Variants in SMARCC1 observed in about 807,000 individuals in gnomAD.
SMARCC1 encodes SWI/SNF related BAF chromatin remodeling complex subunit C1.
A neutral mutation model predicts 147.4 loss-of-function variants in SMARCC1; 43 were observed. That is an observed-to-expected ratio of 0.29 (90% CI 0.23 to 0.38). The LOEUF (loss-of-function observed/expected upper bound fraction) is 0.38, where lower values mean the gene tolerates loss of function less well. Ranked by LOEUF, SMARCC1 falls within the 10% of genes least tolerant of loss-of-function variation. SMARCC1 has a pLI of 1.00. For missense variants in SMARCC1, 1,119 were observed against 1,381.1 expected, an observed-to-expected ratio of 0.81 and a Z score of 3.01; for synonymous variants, 495 against 484.4, an observed-to-expected ratio of 1.02 and a Z score of -0.29.
chr3:47,661,407 G>A lies in SMARCC1; in HGVS notation c.2207C>T (p.Ala736Val), dbSNP rs2033346028. The A allele has an allele frequency of 3.7e-6, 6 of 1,613,396 alleles. No homozygotes were observed. The highest frequency in any genetic ancestry group is 1.7e-5 in the Admixed American group (1 of 59,872). The part of the protein sequence containing the change: ...REEVPLELVE[A>V]HVKKVQEAAR... ...TGCTTCTTGTACTTTCTTGACATGA[G>A]CTTCAACCAATTCCAGTGGTACCTC... is the stretch of plus-strand genomic sequence containing the variant. Residue 736 changes from alanine (A) to valine (V), a missense_variant, in exon 21 of 28, where the codon GCT (alanine) becomes GTT (valine). Ala to Val is a moderately conservative substitution (Grantham distance 64). Coordinates refer to ENST00000254480, the MANE Select transcript of SMARCC1 (RefSeq NM_003074.4).
In SMARCC1 at chr3:47,755,988, T is replaced by A. The variant is rs551113340; in HGVS notation, c.316-9995A>T. On this transcript the variant is annotated intron_variant, in intron 2 of 27. Transcript: ENST00000254480. ...CCGGGTGACAGAGCCAGGCTTCATC[T>A]TAAAAAAAAAAAAAAAAAAAAAAAA... Among the ~76,000 whole-genome samples the A allele has an allele frequency of 4.4e-5, 3 of 67,678 alleles. No individual in the cohort carries two copies. In the South Asian group the frequency reaches 1.8e-3, roughly 41 times the overall value. The allele number at this position is 67,678 out of a possible 152,430, so 44.4% of individuals were successfully genotyped here. A position where few individuals can be genotyped will look rare whatever the true frequency, so the allele number is the denominator to read the frequency against.
At chr3:47,738,713 A>C (rs2034474219) in intron 3 of SMARCC1, among the ~76,000 whole-genome samples, 1 of 152,148 alleles carries the variant, frequency 6.6e-6, no homozygotes, top group Admixed American at 6.6e-5. Context: ...GTTCAAATTC[A>C]GCAGTATCTG....
At chr3:47,642,740 T>C (rs1460695640) in intron 21 of SMARCC1, among the ~76,000 whole-genome samples, 2 of 151,960 alleles carry the variant, frequency 1.3e-5, no homozygotes, top group Non-Finnish European at 2.9e-5. Context: ...ACATATGCTT[T>C]GGGAAAAAAA....
intron 6 of SMARCC1, 100 bp downstream of exon 6, chr3:47,728,925 T>C (rs1021336930): frequency 4.3e-6 from 3 of 705,746 alleles, no homozygotes; most frequent in African/African-American, 1.8e-5. Flanking sequence ...CAAAAACAAA[T>C]AAAAAGCTGG....
Position 47,676,658 on chromosome 3 carries a change from G to A in SMARCC1, c.1696C>T (p.Leu566Phe). 6.2e-7 allele frequency: 1 copy of A among 1,613,894 alleles called. No individual in the cohort carries two copies. The highest frequency in any genetic ancestry group is 8.5e-7 in the Non-Finnish European group (1 of 1,179,860). Residue 566 changes from leucine to phenylalanine, a missense_variant, in exon 17 of 28, where the codon CTT (leucine) becomes TTT (phenylalanine). By Grantham distance (22) the Leu-to-Phe change is conservative (BLOSUM62 0). Transcript: ENST00000254480. ...GGTGATCGAAGATGCAGAGGCACAA[G>A]CCCAGAGGGGGTATCAGCTAATACA... ...FNVLADTPSG[L>F]VPLHLRSPQV... is the part of the protein sequence containing the mutation.
intron 7 of SMARCC1, 89 bp downstream of exon 7, chr3:47,720,577 T>C: frequency 1.1e-6 from 1 of 886,518 alleles, no homozygotes; most frequent in Non-Finnish European, 1.8e-6. Flanking sequence ...AGCAACAAAT[T>C]GTCACTATTC....
intron 14 of SMARCC1, among the ~76,000 whole-genome samples, chr3:47,683,562 C>A (rs990641346): frequency 3.3e-5 from 5 of 151,668 alleles, no homozygotes; most frequent in African/African-American, 4.8e-5. Flanking sequence ...TAAAAAGTAC[C>A]CCAAGATTGG....
intron 11 of SMARCC1, among the ~76,000 whole-genome samples, chr3:47,699,863 T>G (rs1442336761): frequency 6.6e-6 from 1 of 152,118 alleles, no homozygotes; most frequent in Non-Finnish European, 1.5e-5. Context: ...TTCCTATATT[T>G]TACAAATTTC....
chr3:47,703,509 TAAATA>T (rs1242798607), intron 10 of SMARCC1, among the ~76,000 whole-genome samples: 1 of 152,004 alleles, frequency 6.6e-6, no homozygotes, highest in Non-Finnish European at 1.5e-5. Flanking sequence ...CAAAAATAAA[TAAATA>T]AAATAATAAA....
At chr3:47,617,977 A>C (rs2032669995) in intron 25 of SMARCC1, among the ~76,000 whole-genome samples, 1 of 152,120 alleles carries the variant, frequency 6.6e-6, no homozygotes, top group Non-Finnish European at 1.5e-5. Flanking sequence ...CTCAGAAACC[A>C]TGGCAATTTA....
chr3:47,708,994 C>T (rs2034051404), intron 9 of SMARCC1, among the ~76,000 whole-genome samples: 1 of 152,164 alleles, frequency 6.6e-6, no homozygotes, highest in South Asian at 2.1e-4. Context: ...GGCATAGTGG[C>T]TCATACCTGT....
chr3:47,635,875 C>T (rs1576394568), intron 23 of SMARCC1, 147 bp downstream of exon 23: 1 of 569,062 alleles, frequency 1.8e-6, no homozygotes, highest in African/African-American at 1.9e-5. Context: ...TAGCACCTAT[C>T]TGAATGAAAC....
At chr3:47,647,154 C>A (rs1439442867) in intron 21 of SMARCC1, among the ~76,000 whole-genome samples, 3 of 152,196 alleles carry the variant, frequency 2.0e-5, no homozygotes, top group Admixed American at 2.0e-4. Flanking sequence ...CTCGTGAATT[C>A]TTTCAAAAGT....
intron 2 of SMARCC1, 90 bp from the exon 3 acceptor site, chr3:47,746,083 A>G (rs2034561329): frequency 5.3e-6 from 4 of 752,886 alleles, no homozygotes; most frequent in Non-Finnish European, 8.6e-6. Context: ...ATTCAAATAT[A>G]TAAACAAATA....
chr3:47,712,322 C>T (rs895801316), intron 8 of SMARCC1, among the ~76,000 whole-genome samples: 61 of 151,696 alleles, frequency 4.0e-4, no homozygotes, highest in African/African-American at 1.4e-3. Flanking sequence ...TAGGACTGTG[C>T]TAAATAAAAG....
intron 3 of SMARCC1, among the ~76,000 whole-genome samples, chr3:47,744,212 G>A (rs1576428573): frequency 6.6e-6 from 1 of 152,230 alleles, no homozygotes; most frequent in East Asian, 1.9e-4. Context: ...CGCAATCTCA[G>A]CTCACTGCAA....
intron 3 of SMARCC1, among the ~76,000 whole-genome samples, chr3:47,742,292 A>G (rs2034518187): frequency 6.6e-6 from 1 of 152,022 alleles, no homozygotes; most frequent in African/African-American, 2.4e-5. Flanking sequence ...AAAAACATGT[A>G]ACAATCTCTT....
chr3:47,675,858 T>C (rs900153220), intron 17 of SMARCC1, among the ~76,000 whole-genome samples: 2 of 151,820 alleles, frequency 1.3e-5, no homozygotes, highest in Admixed American at 6.6e-5. Flanking sequence ...GGCAGTAGAA[T>C]TGCTTATAAC....
At chr3:47,760,443 C>T (rs887051477) in intron 2 of SMARCC1, among the ~76,000 whole-genome samples, 3 of 151,910 alleles carry the variant, frequency 2.0e-5, no homozygotes, top group African/African-American at 7.2e-5. Context: ...CTGACAGTTA[C>T]CTGAGGTCAG....
Sources: allele counts gnomAD v4.1 joint callset (sites outside exome capture counted in the v4.1 genomes callset), GRCh38; gene constraint gnomAD v4.1.1; transcripts MANE v1.5; gene names NCBI Gene and HGNC (gene_info 2026-07-23, HGNC 2026-07-21).